SUGCT: variants seen among roughly 807,000 people sequenced by gnomAD.
SUGCT encodes the protein succinyl-CoA:glutarate-CoA transferase.
In SUGCT, 41 loss-of-function variants were observed where a neutral mutation model predicts 55.0. The observed-to-expected ratio is 0.74, with a 90% confidence interval of 0.58 to 0.97. The LOEUF is 0.97. Ranked by LOEUF, SUGCT falls within the 50% of genes least tolerant of loss-of-function variation. The pLI, the probability that SUGCT is intolerant of heterozygous loss-of-function variation, is 0.00. For missense variants in SUGCT, 568 were observed against 547.8 expected, an observed-to-expected ratio of 1.04 and a Z score of -0.37; for synonymous variants, 187 against 200.4, an observed-to-expected ratio of 0.93 and a Z score of 0.56.
chr7:40,998,276 G>A, the SUGCT span, among the ~76,000 whole-genome samples: 1 of 152,078 alleles, frequency 6.6e-6, no homozygotes, highest in East Asian at 1.9e-4. Context: ...GGAGGCTGAG[G>A]CTGGAGGATC....
chr7:40,212,954 C>G (rs1320806458), intron 6 of SUGCT, among the ~76,000 whole-genome samples: 1 of 152,040 alleles, frequency 6.6e-6, no homozygotes. Context: ...TATATGAGAA[C>G]GTCGTATCAT....
chr7:40,790,524 A>G (rs552386140), intron 13 of SUGCT, among the ~76,000 whole-genome samples: 3 of 152,358 alleles, frequency 2.0e-5, no homozygotes, highest in Non-Finnish European at 2.9e-5. Flanking sequence ...ATTTCTTAAA[A>G]TGTCTTTTCT....
At chr7:40,527,503 G>T (rs761131167) in intron 12 of SUGCT, among the ~76,000 whole-genome samples, 23 of 152,176 alleles carry the variant, frequency 1.5e-4, no homozygotes, top group Non-Finnish European at 2.8e-4. Flanking sequence ...ATATGAGCAT[G>T]TGGGGATGGT....
At chr7:40,913,315 A>G in the SUGCT span, among the ~76,000 whole-genome samples, 1 of 152,130 alleles carries the variant, frequency 6.6e-6, no homozygotes, top group African/African-American at 2.4e-5. Context: ...ATGCACATTG[A>G]TTTTATAACA....
intron 1 of SUGCT, among the ~76,000 whole-genome samples, chr7:40,171,676 T>C (rs1479388302): frequency 6.6e-6 from 1 of 152,234 alleles, no homozygotes; most frequent in Non-Finnish European, 1.5e-5. Flanking sequence ...CCTCTAAACG[T>C]TACTTTTCTA....
At chr7:40,856,418 C>T (rs1794170508) in intron 13 of SUGCT, among the ~76,000 whole-genome samples, 1 of 152,100 alleles carries the variant, frequency 6.6e-6, no homozygotes, top group Admixed American at 6.5e-5. Flanking sequence ...TTGGATAAAT[C>T]TTTCTAATAT....
intron 6 of SUGCT, among the ~76,000 whole-genome samples, 162 bp downstream of exon 6, chr7:40,195,222 CTTTTTTTT>C (rs11326653): frequency 9.9e-5 from 10 of 101,300 alleles, no homozygotes; most frequent in African/African-American, 2.8e-4. Flanking sequence ...TTTCTTTTTT[CTTTTTTTT>C]TTTTTTTTTT....
chr7:40,552,027 A>G (rs1402091485), intron 12 of SUGCT, among the ~76,000 whole-genome samples: 1 of 152,220 alleles, frequency 6.6e-6, no homozygotes, highest in Non-Finnish European at 1.5e-5. Flanking sequence ...TCTAGAAAAC[A>G]AAAGCATCTA....
At position 40,737,793 on chromosome 7, in the gene SUGCT, G is replaced by A. The variant is rs377017576; in HGVS notation, c.1090-11641G>A. ...ATAAAAATTAGCCAGGGGTGGTGGC[G>A]GGCGCCTGTAATCCCAGCTACTTGG... On this transcript the variant is annotated intron_variant, in intron 12 of 13. Coordinates refer to ENST00000335693, the MANE Select transcript of SUGCT (RefSeq NM_001193313.2). Among the ~76,000 whole-genome samples the A allele has an allele frequency of 9.9e-4, 151 of 152,162 alleles. 3 individuals are homozygous for A. The South Asian group carries it at 0.011, about 11-fold the overall frequency.
intron 12 of SUGCT, among the ~76,000 whole-genome samples, chr7:40,743,047 G>A (rs1787548220): frequency 6.6e-6 from 1 of 152,164 alleles, no homozygotes; most frequent in South Asian, 2.1e-4. Flanking sequence ...ATGTATAAAT[G>A]TGCATGCCCA....
At chr7:40,980,599 G>C in the SUGCT span, among the ~76,000 whole-genome samples, 1 of 152,118 alleles carries the variant, frequency 6.6e-6, no homozygotes, top group African/African-American at 2.4e-5. Flanking sequence ...TACAATGGTG[G>C]GACAGGCATA....
chr7:40,812,773 G>T (rs1791488069), intron 13 of SUGCT, among the ~76,000 whole-genome samples: 1 of 151,974 alleles, frequency 6.6e-6, no homozygotes, highest in Non-Finnish European at 1.5e-5. Context: ...GGGTTAGTTT[G>T]TTCCTGTTTC....
the SUGCT span, among the ~76,000 whole-genome samples, chr7:40,919,613 C>T: frequency 6.6e-6 from 1 of 152,160 alleles, no homozygotes; most frequent in Admixed American, 6.5e-5. Flanking sequence ...CACAGAACTC[C>T]AACCCAAGGT....
intron 13 of SUGCT, among the ~76,000 whole-genome samples, chr7:40,858,493 AG>A (rs1794312409): frequency 6.6e-6 from 1 of 152,094 alleles, no homozygotes; most frequent in Non-Finnish European, 1.5e-5. Context: ...AGGTAATTCA[AG>A]TGGAGTAAAG....
chr7:40,878,249 T>C, the SUGCT span, among the ~76,000 whole-genome samples: 1 of 152,216 alleles, frequency 6.6e-6, no homozygotes, highest in Non-Finnish European at 1.5e-5. Flanking sequence ...ATTGAAAGAT[T>C]TTCTTTTTTA....
chr7:40,192,133 T>G (rs1328462300), intron 5 of SUGCT, among the ~76,000 whole-genome samples: 1 of 141,456 alleles, frequency 7.1e-6, no homozygotes, highest in Non-Finnish European at 1.5e-5. Context: ...AAAAAAAGGA[T>G]TAGCAAAAAT....
chr7:40,952,084 G>T, the SUGCT span, among the ~76,000 whole-genome samples: 1 of 152,178 alleles, frequency 6.6e-6, no homozygotes, highest in Non-Finnish European at 1.5e-5. Flanking sequence ...TTGTGTGGGA[G>T]TCTAAGTCTC....
At chr7:40,636,237 G>T (rs1800016729) in intron 12 of SUGCT, among the ~76,000 whole-genome samples, 1 of 152,184 alleles carries the variant, frequency 6.6e-6, no homozygotes, top group African/African-American at 2.4e-5. Flanking sequence ...ATTAGCTAAA[G>T]GCTCCCTCAC....
chr7:40,985,011 C>T, the SUGCT span, among the ~76,000 whole-genome samples: 1 of 152,140 alleles, frequency 6.6e-6, no homozygotes, highest in Non-Finnish European at 1.5e-5. Context: ...TTTCAAAGAA[C>T]AAAGTGTATG....
Sources: allele counts gnomAD v4.1 joint callset (sites outside exome capture counted in the v4.1 genomes callset), GRCh38; gene constraint gnomAD v4.1.1; transcripts MANE v1.5; gene names NCBI Gene and HGNC (gene_info 2026-07-23, HGNC 2026-07-21).